Variants in PDE8B observed in about 807,000 individuals in gnomAD.
PDE8B encodes the protein high affinity cAMP-specific and IBMX-insensitive 3',5'-cyclic phosphodiesterase 8B.
PDE8B carries 26 observed loss-of-function variants against 101.3 expected under a neutral mutation model. The ratio of observed to expected loss-of-function variants is 0.26; its 90% CI spans 0.19 to 0.36. The LOEUF (loss-of-function observed/expected upper bound fraction) is 0.36. Ranked by LOEUF, PDE8B falls within the 10% of genes least tolerant of loss-of-function variation. The pLI is 1.00. For missense variants in PDE8B, 810 were observed against 1,163.1 expected (o/e 0.70, Z 4.42); for synonymous variants, 424 against 429.3 (o/e 0.99, Z 0.15).
rs192048910 is a variant in PDE8B, at chr5:77,211,423, G to A, written c.339+159G>A. On this transcript the variant is annotated intron_variant, in intron 1 of 21. Coordinates refer to ENST00000264917, the MANE Select transcript of PDE8B (RefSeq NM_003719.5). This position sits in a 1 kb window ranked among gnomAD's most constrained non-coding sequence, Gnocchi z 4.1. The stretch of plus-strand genomic sequence containing the variant: ...TTACTTTTCATTTGTGGAGATGATG[G>A]GAGCCCAGGAAATGTGGTCAGAAAA... 3.7e-4 allele frequency among the ~76,000 whole-genome samples: 57 copies of A among 152,324 alleles called. No individual in the cohort carries two copies. Among genetic ancestry groups the A allele is most frequent in the African/African-American group, 1.3e-3 (55 of 41,582 alleles).
In PDE8B at chr5:77,329,047, G is replaced by A. The variant is rs1489568756; in HGVS notation, c.640G>A (p.Val214Ile). 1.2e-6 allele frequency: 2 copies of A among 1,613,448 alleles called. No individual in the cohort carries two copies. The highest frequency in any genetic ancestry group is 1.7e-4 in the Middle Eastern group (1 of 6,046). The change falls in exon 4 of 22, where the codon GTT becomes ATT. Residue 214 changes from valine (V) to isoleucine (I), a missense_variant. Physicochemically the swap from Val to Ile is conservative, Grantham distance 29. This residue lies in a region of PDE8B where 251 missense variants were observed against 378.8 expected (regional missense o/e 0.66). Coordinates refer to ENST00000264917, the MANE Select transcript of PDE8B (RefSeq NM_003719.5). ...CGAGCACACGGTGATCCTCGCAGTG[G>A]TTTCGCGAGTGTAAGTGCACCTCCC... ...PSEHTVILAV[V>I]SRVSDDHEEA...
chr5:77,335,066 T>C (rs1457650483), intron 5 of PDE8B, among the ~76,000 whole-genome samples: 1 of 152,234 alleles, frequency 6.6e-6, no homozygotes, highest in Non-Finnish European at 1.5e-5. Flanking sequence ...CTAATCCATG[T>C]TTGTTATAGA....
At chr5:77,245,753 A>G (rs1454249813) in intron 1 of PDE8B, among the ~76,000 whole-genome samples, 1 of 149,954 alleles carries the variant, frequency 6.7e-6, no homozygotes, top group African/African-American at 2.5e-5. Context: ...GTATTTACAT[A>G]TGATAACTTA....
intron 10 of PDE8B, among the ~76,000 whole-genome samples, chr5:77,367,280 C>A (rs1427549664): frequency 6.6e-6 from 1 of 152,092 alleles, no homozygotes; most frequent in South Asian, 2.1e-4. Flanking sequence ...AGGTGAGCAG[C>A]GTTGTGATGA....
chr5:77,122,447 A>G, the PDE8B span, among the ~76,000 whole-genome samples: 47 of 152,358 alleles, frequency 3.1e-4, no homozygotes, highest in Non-Finnish European at 5.1e-4. Context: ...TGGAAGCGCT[A>G]TCATTTCTGC....
chr5:77,270,217 T>G (rs1030920005), intron 1 of PDE8B, among the ~76,000 whole-genome samples: 1 of 152,248 alleles, frequency 6.6e-6, no homozygotes, highest in African/African-American at 2.4e-5. Context: ...GTATTTTATT[T>G]GTAGCTATTT....
In PDE8B at chr5:77,330,514, G is replaced by A. The variant is rs116095757; in HGVS notation, c.651-888G>A. On this transcript the variant is annotated intron_variant, in intron 4 of 21. Transcript: ENST00000264917. ...AACCCTTTTTGTGGCCTTCCTAACA[G>A]TCAGAGAAGATAGAATTTGGAGTTC... is the stretch of plus-strand genomic sequence containing the variant. Among the ~76,000 whole-genome samples the A allele has an allele frequency of 8.2e-3, 1,242 of 152,278 alleles. 6 individuals carry two copies. The highest frequency in any genetic ancestry group is 0.013 in the Non-Finnish European group (855 of 68,020).
the PDE8B span, chr5:77,112,457 T>C: frequency 6.6e-6 from 1 of 152,202 alleles, no homozygotes; most frequent in Non-Finnish European, 1.5e-5. Context: ...GTTGAAAGTC[T>C]GTCTGGGCAC....
intron 1 of PDE8B, among the ~76,000 whole-genome samples, chr5:77,219,722 A>G (rs769694806): frequency 6.6e-6 from 1 of 152,308 alleles, no homozygotes; most frequent in East Asian, 1.9e-4. Context: ...TAAAAAATGG[A>G]TTGACAGTCT....
chr5:77,381,553 A>G (rs961894493), intron 10 of PDE8B, among the ~76,000 whole-genome samples: 1 of 152,042 alleles, frequency 6.6e-6, no homozygotes, highest in Non-Finnish European at 1.5e-5. Context: ...TTGTTATTGT[A>G]CTGATCCTGG....
chr5:77,385,322 C>A (rs1788323557), intron 10 of PDE8B, among the ~76,000 whole-genome samples: 1 of 151,874 alleles, frequency 6.6e-6, no homozygotes, highest in South Asian at 2.1e-4. Flanking sequence ...TGGTGATACC[C>A]CTTTATGATT....
intron 10 of PDE8B, among the ~76,000 whole-genome samples, chr5:77,362,713 C>G (rs1307839471): frequency 6.6e-6 from 1 of 152,220 alleles, no homozygotes; most frequent in East Asian, 1.9e-4. Flanking sequence ...TGCCACCTTC[C>G]CAAGTCACAC....
intron 1 of PDE8B, among the ~76,000 whole-genome samples, chr5:77,214,159 G>T (rs1279380706): frequency 6.6e-6 from 1 of 152,166 alleles, no homozygotes; most frequent in African/African-American, 2.4e-5. Context: ...ATCCTCAGAG[G>T]AGATGGTTGA....
chr5:77,378,367 G>C (rs1333089824), intron 10 of PDE8B, among the ~76,000 whole-genome samples: 12 of 149,494 alleles, frequency 8.0e-5, no homozygotes, highest in Admixed American at 6.2e-4. Flanking sequence ...GCTGAGGCAG[G>C]AGAATCGCTT....
chr5:77,246,853 A>C lies in PDE8B; in HGVS notation c.339+35589A>C, dbSNP rs1757057200. Reference sequence around the variant, plus strand: ...CAACATGGTGTTCTTGTTGGGTAAGAGTTCTTCAGACTCTGGCTTTGATCT... The same window carrying C: ...CAACATGGTGTTCTTGTTGGGTAAGCGTTCTTCAGACTCTGGCTTTGATCT... On this transcript the variant is annotated intron_variant, in intron 1 of 21. Transcript: ENST00000264917. 2.0e-5 allele frequency: 3 copies of C among 152,232 alleles called. No homozygotes were observed. The South Asian group carries it at 6.2e-4, about 32-fold the overall frequency. 9.4% of individuals were successfully genotyped at this position (152,232 alleles called of 1,614,324 possible).
the PDE8B span, chr5:77,144,394 C>T: frequency 6.6e-6 from 1 of 152,142 alleles, no homozygotes; most frequent in African/African-American, 2.4e-5. Flanking sequence ...GAAGTGCTGT[C>T]AGGTGGAAGA....
At chr5:77,214,651 G>A (rs536193546) in intron 1 of PDE8B, among the ~76,000 whole-genome samples, 2 of 152,252 alleles carry the variant, frequency 1.3e-5, no homozygotes, top group South Asian at 2.1e-4. Flanking sequence ...TGACCTTATG[G>A]TAAATAATAA....
At chr5:77,394,704 T>C (rs541746421) in intron 10 of PDE8B, among the ~76,000 whole-genome samples, 9 of 152,228 alleles carry the variant, frequency 5.9e-5, no homozygotes, top group Non-Finnish European at 1.3e-4. Flanking sequence ...AAAAGAGATA[T>C]AACTATTTCA....
At chr5:77,258,160 G>T (rs1171176445) in intron 1 of PDE8B, among the ~76,000 whole-genome samples, 1 of 151,858 alleles carries the variant, frequency 6.6e-6, no homozygotes, top group Admixed American at 6.6e-5. Context: ...ATGGTGGCAG[G>T]TACCTGTAAT....
Sources: allele counts gnomAD v4.1 joint callset (sites outside exome capture counted in the v4.1 genomes callset), GRCh38; gene constraint gnomAD v4.1.1; regional missense constraint gnomAD v4.1.1; non-coding constraint Gnocchi (gnomAD v3.1); transcripts MANE v1.5; gene names NCBI Gene and HGNC (gene_info 2026-07-23, HGNC 2026-07-21).